SSTR1: variants seen among roughly 807,000 people sequenced by gnomAD.
SSTR1 encodes somatostatin receptor type 1.
SSTR1 carries 10 observed loss-of-function variants against 20.7 expected under a neutral mutation model. The observed-to-expected ratio is 0.48, with a 90% confidence interval of 0.30 to 0.82. The LOEUF is 0.82. Among genes scored for constraint, SSTR1 ranks in the 40% least tolerant of loss-of-function variants. SSTR1 has a pLI of 0.07. For synonymous variants in SSTR1, 267 were observed against 227.8 expected, an observed-to-expected ratio of 1.17 and a Z score of -1.55; for missense variants, 494 against 540.0, an observed-to-expected ratio of 0.91 and a Z score of 0.84.
chr14:38,212,330 AG>A lies in SSTR1; in HGVS notation c.*1766del, dbSNP rs1249747153. ...GTGTGAGTCTGGCTGGAACACTTTC[AG>A]TTTCAGGAGTGCAAGCAGCACTCAA... On this transcript the variant is annotated 3_prime_UTR_variant, in exon 3 of 3. Transcript: ENST00000267377. The A allele has an allele frequency of 1.8e-5, 3 of 167,096 alleles. No individual in the cohort carries two copies. The highest frequency in any genetic ancestry group is 2.9e-5 in the Non-Finnish European group (2 of 68,130). 10.4% of individuals were successfully genotyped at this position (167,096 alleles called of 1,614,324 possible).
At position 38,209,479 on chromosome 14, in the gene SSTR1, C is replaced by G; in HGVS notation, c.90C>G (p.Pro30=). ...GCGAAGGCGGCGGCAGCAGGGGCCC[C>G]GGGGCCGGCGCTGCGGACGGCATGG... is the stretch of plus-strand genomic sequence containing the variant. ...SCGEGGGSRG[P]GAGAADGMEE... is the part of the protein sequence containing the mutation. The change falls in exon 3 of 3, where the codon CCC becomes CCG. Residue 30 remains proline (P), a synonymous_variant. Transcript: ENST00000267377. The G allele has an allele frequency of 6.4e-7, 1 of 1,565,702 alleles. No homozygotes were observed. Among genetic ancestry groups the G allele is most frequent in the Non-Finnish European group, 8.7e-7 (1 of 1,155,754 alleles).
At position 38,210,232 on chromosome 14, in the gene SSTR1, C is replaced by T; in HGVS notation, c.843C>T (p.Val281=). ...LMVMMVVMVF[V]ICWMPFYVVQ... is the part of the protein sequence containing the mutation. ...TGATGATGGTGGTGATGGTGTTTGT[C>T]ATCTGCTGGATGCCTTTCTACGTGG... is the stretch of plus-strand genomic sequence containing the variant. Residue 281 remains valine, a synonymous_variant, in exon 3 of 3, where the codon GTC becomes GTT. Coordinates refer to ENST00000267377, the MANE Select transcript of SSTR1 (RefSeq NM_001049.3). 6.2e-7 allele frequency: 1 copy of T among 1,614,218 alleles called. No homozygotes were observed. Among genetic ancestry groups the T allele is most frequent in the Non-Finnish European group, 8.5e-7 (1 of 1,180,038 alleles).
rs1158519267 is a variant in SSTR1 at position 38,213,016 on chromosome 14, T to G, written c.*2451T>G. ...AGGATACAAATTTAGTGCTCTTAACTTGTTACCATTGTAATATTAACTAAA... is the reference window on the plus strand; with the variant it reads ...AGGATACAAATTTAGTGCTCTTAACGTGTTACCATTGTAATATTAACTAAA... On this transcript the variant is annotated 3_prime_UTR_variant, in exon 3 of 3. Transcript: ENST00000267377. The G allele has an allele frequency of 6.0e-6, 1 of 167,054 alleles. No homozygotes were observed. The highest frequency in any genetic ancestry group is 1.5e-5 in the Non-Finnish European group (1 of 68,120). The allele number at this position is 167,054 out of a possible 1,614,324, so 10.3% of individuals were successfully genotyped here. A position where few individuals can be genotyped will look rare whatever the true frequency, so the allele number is the denominator to read the frequency against.
chr14:38,210,690 G>C lies in SSTR1; in HGVS notation c.*125G>C. 1 of 1,450,250 alleles carries C rather than the reference G, an allele frequency of 6.9e-7. No individual in the cohort carries two copies. The highest frequency in any genetic ancestry group is 9.1e-7 in the Non-Finnish European group (1 of 1,100,438). 89.8% of individuals were successfully genotyped at this position (1,450,250 alleles called of 1,614,324 possible). A position where few individuals can be genotyped will look rare whatever the true frequency, so the allele number is the denominator to read the frequency against. ...ATCCAGGGCGCCAGGGTGCTGTCGG[G>C]ATAACGTGGGGCTAGGACACTGACA... On this transcript the variant is annotated 3_prime_UTR_variant, in exon 3 of 3. Transcript: ENST00000267377.
In SSTR1 at chr14:38,210,798, C is replaced by T. The variant is rs1883314488; in HGVS notation, c.*233C>T. On this transcript the variant is annotated 3_prime_UTR_variant, in exon 3 of 3. Transcript: ENST00000267377. ...CTTATAAACTGGGAAGGCTTTCAGG[C>T]TACCTTTTTCTGGGTCTCCCACTTT... 2 of 1,056,112 alleles carry T rather than the reference C, an allele frequency of 1.9e-6. No individual in the cohort carries two copies. The highest frequency in any genetic ancestry group is 2.1e-5 in the South Asian group (1 of 47,418). The allele number at this position is 1,056,112 out of a possible 1,614,324, so 65.4% of individuals were successfully genotyped here. A position where few individuals can be genotyped will look rare whatever the true frequency, so the allele number is the denominator to read the frequency against.
In SSTR1 at chr14:38,210,731, AC is replaced by A; in HGVS notation, c.*169del. 1 of 1,422,484 alleles carries A rather than the reference AC, an allele frequency of 7.0e-7. No individual in the cohort carries two copies. Among genetic ancestry groups the A allele is most frequent in the Non-Finnish European group, 9.2e-7 (1 of 1,082,448 alleles). 88.1% of individuals were successfully genotyped at this position (1,422,484 alleles called of 1,614,324 possible). A position where few individuals can be genotyped will look rare whatever the true frequency, so the allele number is the denominator to read the frequency against. ...GACACTGACAGCCTTTGATGGAGGA[AC>A]CCAAGAAAGGCGCGCGACAATGGTA... On this transcript the variant is annotated 3_prime_UTR_variant, in exon 3 of 3. Transcript: ENST00000267377.
At position 38,210,301 on chromosome 14, in the gene SSTR1, G is replaced by A. The variant is rs532199900; in HGVS notation, c.912G>A (p.Val304=). The A allele has an allele frequency of 1.1e-5, 18 of 1,614,238 alleles. 1 individual carries two copies. The South Asian group carries it at 1.9e-4, about 17-fold the overall frequency. ...NVFAEQDDAT[V]SQLSVILGYA... ...TTGCTGAGCAGGACGACGCCACGGT[G>A]AGTCAGCTGTCGGTCATCCTCGGCT... Residue 304 remains valine (V), a synonymous_variant, in exon 3 of 3, where the codon GTG becomes GTA. Coordinates refer to ENST00000267377, the MANE Select transcript of SSTR1 (RefSeq NM_001049.3).
chr14:38,209,961 C>T lies in SSTR1; in HGVS notation c.572C>T (p.Pro191Leu). 1 of 1,614,102 alleles carries T rather than the reference C, an allele frequency of 6.2e-7. No homozygotes were observed. The highest frequency in any genetic ancestry group is 8.5e-7 in the Non-Finnish European group (1 of 1,180,046). ...GTGCTATCGCTGCTCGTCATCCTGCCCATCGTGGTCTTCTCTCGCACCGCG... is the reference window on the plus strand; with the variant it reads ...GTGCTATCGCTGCTCGTCATCCTGCTCATCGTGGTCTTCTCTCGCACCGCG... Reference protein sequence around the residue: ...VWVLSLLVILPIVVFSRTAAN... With the variant: ...VWVLSLLVILLIVVFSRTAAN... Residue 191 changes from proline (P) to leucine (L), a missense_variant, in exon 3 of 3, where the codon CCC becomes CTC. Physicochemically the swap from Pro to Leu is moderately conservative, Grantham distance 98 (BLOSUM62 -3). Around this residue, in one of 3 missense-constraint regions of SSTR1, gnomAD observed 280 missense variants for 286.1 expected, o/e 0.98. Transcript: ENST00000267377.
At position 38,210,370 on chromosome 14, in the gene SSTR1, A is replaced by G. The variant is rs1378207131; in HGVS notation, c.981A>G (p.Ser327=). ...ACCCCATCCTCTATGGCTTTCTCTCAGACAACTTCAAGCGCTCTTTCCAAC... is the reference window on the plus strand; with the variant it reads ...ACCCCATCCTCTATGGCTTTCTCTCGGACAACTTCAAGCGCTCTTTCCAAC... ...CANPILYGFL[S]DNFKRSFQRI... Residue 327 remains serine (S), a synonymous_variant, in exon 3 of 3, where the codon TCA becomes TCG. Transcript: ENST00000267377. 2 of 1,614,116 alleles carry G rather than the reference A, an allele frequency of 1.2e-6. No individual in the cohort carries two copies. The highest frequency in any genetic ancestry group is 1.7e-5 in the Admixed American group (1 of 60,002).
Position 38,209,707 on chromosome 14 carries a change from G to C in SSTR1, c.318G>C (p.Leu106=), listed in dbSNP as rs1594458767. 6.2e-7 allele frequency: 1 copy of C among 1,614,088 alleles called. No individual in the cohort carries two copies. The highest frequency in any genetic ancestry group is 1.1e-5 in the South Asian group (1 of 91,090). The stretch of plus-strand genomic sequence containing the variant: ...TAAATCTGGCCATTGCTGATGAGCT[G>C]CTCATGCTCAGCGTGCCCTTCCTAG... The part of the protein sequence containing the change: ...YILNLAIADE[L]LMLSVPFLVT... Residue 106 remains leucine, a synonymous_variant, in exon 3 of 3, where the codon CTG becomes CTC. Coordinates refer to ENST00000267377, the MANE Select transcript of SSTR1 (RefSeq NM_001049.3).
Position 38,210,732 on chromosome 14 carries a change from C to A in SSTR1, c.*167C>A. ...ACACTGACAGCCTTTGATGGAGGAA[C>A]CCAAGAAAGGCGCGCGACAATGGTA... On this transcript the variant is annotated 3_prime_UTR_variant, in exon 3 of 3. Transcript: ENST00000267377. The A allele has an allele frequency of 1.4e-6, 2 of 1,419,668 alleles. No homozygotes were observed. The highest frequency in any genetic ancestry group is 1.9e-6 in the Non-Finnish European group (2 of 1,079,698). 87.9% of individuals were successfully genotyped at this position (1,419,668 alleles called of 1,614,324 possible). A position where few individuals can be genotyped will look rare whatever the true frequency, so the allele number is the denominator to read the frequency against.
chr14:38,209,394 TC>T lies in SSTR1; in HGVS notation c.9del (p.Asn4MetfsTer48). 6.6e-7 allele frequency: 1 copy of T among 1,504,056 alleles called. No individual in the cohort carries two copies. The highest frequency in any genetic ancestry group is 8.9e-7 in the Non-Finnish European group (1 of 1,129,234). The allele number at this position is 1,504,056 out of a possible 1,614,324, so 93.2% of individuals were successfully genotyped here. M[F>X]PNGTASSPSS... ...CACTGGCCCCCCTCAGCTGGGATGT[TC>T]CCCAATGGCACCGCCTCCTCTCCTT... is the stretch of plus-strand genomic sequence containing the variant. On this transcript the variant is annotated frameshift_variant, in exon 3 of 3. Coordinates refer to ENST00000267377, the MANE Select transcript of SSTR1 (RefSeq NM_001049.3). LOFTEE classifies it high-confidence loss of function.
In SSTR1 at chr14:38,209,475, G is replaced by C. The variant is rs199949249; in HGVS notation, c.86G>C (p.Gly29Ala). The change falls in exon 3 of 3, where the codon GGC becomes GCC. Residue 29 changes from glycine (G) to alanine (A), a missense_variant. By Grantham distance (60) the Gly-to-Ala change is moderately conservative. This residue lies in a region of SSTR1 where 98 missense variants were observed against 79.3 expected (regional missense o/e 1.24). Coordinates refer to ENST00000267377, the MANE Select transcript of SSTR1 (RefSeq NM_001049.3). ...TGCGGCGAAGGCGGCGGCAGCAGGG[G>C]CCCCGGGGCCGGCGCTGCGGACGGC... Reference protein sequence around the residue: ...GSCGEGGGSRGPGAGAADGME... With the variant: ...GSCGEGGGSRAPGAGAADGME... 2 of 1,563,452 alleles carry C rather than the reference G, an allele frequency of 1.3e-6. No homozygotes were observed. Among genetic ancestry groups the C allele is most frequent in the African/African-American group, 1.4e-5 (1 of 73,702 alleles).
chr14:38,210,056 T>C lies in SSTR1; in HGVS notation c.667T>C (p.Phe223Leu). The C allele has an allele frequency of 6.2e-7, 1 of 1,614,214 alleles. No individual in the cohort carries two copies. Among genetic ancestry groups the C allele is most frequent in the Non-Finnish European group, 8.5e-7 (1 of 1,180,046 alleles). Residue 223 changes from phenylalanine to leucine, a missense_variant, in exon 3 of 3, where the codon TTC becomes CTC. Transcript: ENST00000267377. ...PEPAQRWLVG[F>L]VLYTFLMGFL... Reference sequence around the variant, plus strand: ...GCCCGCTCAACGCTGGCTGGTGGGCTTCGTGTTGTACACATTTCTCATGGG... The same window carrying C: ...GCCCGCTCAACGCTGGCTGGTGGGCCTCGTGTTGTACACATTTCTCATGGG...
intron 1 of SSTR1, 129 bp downstream of exon 1, chr14:38,208,233 C>T (rs538911389): frequency 3.9e-5 from 6 of 152,384 alleles, no homozygotes; most frequent in Admixed American, 1.3e-4. Context: ...TCAAGCTCCT[C>T]CAGAGCTCCC....
chr14:38,210,705 G>A lies in SSTR1; in HGVS notation c.*140G>A. 6.9e-7 allele frequency: 1 copy of A among 1,443,944 alleles called. No homozygotes were observed. The highest frequency in any genetic ancestry group is 9.1e-7 in the Non-Finnish European group (1 of 1,096,722). The allele number at this position is 1,443,944 out of a possible 1,614,324, so 89.4% of individuals were successfully genotyped here. ...GTGCTGTCGGGATAACGTGGGGCTA[G>A]GACACTGACAGCCTTTGATGGAGGA... On this transcript the variant is annotated 3_prime_UTR_variant, in exon 3 of 3. Transcript: ENST00000267377.
chr14:38,209,298 C>G lies in SSTR1; in HGVS notation c.-92C>G. ...GCGCTGGGCGGCTGTGGGCTGCAGG[C>G]AAGCGGTCGGGTGGGGAGGGAGGGC... On this transcript the variant is annotated 5_prime_UTR_variant, in exon 3 of 3. Transcript: ENST00000267377. 1 of 1,367,218 alleles carries G rather than the reference C, an allele frequency of 7.3e-7. No individual in the cohort carries two copies. Among genetic ancestry groups the G allele is most frequent in the East Asian group, 2.9e-5 (1 of 34,900 alleles). The allele number at this position is 1,367,218 out of a possible 1,614,324, so 84.7% of individuals were successfully genotyped here.
rs948889441 is a variant in SSTR1 at position 38,211,321 on chromosome 14, C to T, written c.*756C>T. On this transcript the variant is annotated 3_prime_UTR_variant, in exon 3 of 3. Coordinates refer to ENST00000267377, the MANE Select transcript of SSTR1 (RefSeq NM_001049.3). Reference sequence around the variant, plus strand: ...AACTCCAGGCTTTCTGGAGTTCCCACCCAAGCCCTCCTTTGGAGCAAAGAA... The same window carrying T: ...AACTCCAGGCTTTCTGGAGTTCCCATCCAAGCCCTCCTTTGGAGCAAAGAA... 10 of 167,054 alleles carry T rather than the reference C, an allele frequency of 6.0e-5. No individual in the cohort carries two copies. The highest frequency in any genetic ancestry group is 1.0e-4 in the Non-Finnish European group (7 of 68,146). The allele number at this position is 167,054 out of a possible 1,614,324, so 10.3% of individuals were successfully genotyped here. A position where few individuals can be genotyped will look rare whatever the true frequency, so the allele number is the denominator to read the frequency against.
chr14:38,209,663 GCCA>G lies in SSTR1; in HGVS notation c.278_280del (p.Thr93del). 6.2e-7 allele frequency: 1 copy of G among 1,613,822 alleles called. No individual in the cohort carries two copies. Among genetic ancestry groups the G allele is most frequent in the Non-Finnish European group, 8.5e-7 (1 of 1,179,958 alleles). On this transcript the variant is annotated inframe_deletion, in exon 3 of 3. Coordinates refer to ENST00000267377, the MANE Select transcript of SSTR1 (RefSeq NM_001049.3). Reference sequence around the variant, plus strand: ...CCTGCGCTATGCCAAGATGAAGACGGCCACCAACATCTACATCCTAAATCTGGC... The same window carrying G: ...CCTGCGCTATGCCAAGATGAAGACGGCCAACATCTACATCCTAAATCTGGC...
Sources: gnomAD v4.1 joint callset for allele counts on GRCh38, gnomAD v4.1.1 for gene constraint, gnomAD v4.1.1 regional missense constraint, MANE v1.5 for transcripts, NCBI Gene and HGNC (gene_info 2026-07-23, HGNC 2026-07-21) for gene names.